The following NTM variants were observed in gnomAD, a reference collection of about 807,000 sequenced individuals.
NTM encodes IgLON family member 2.
In NTM, 13 loss-of-function variants were observed where a neutral mutation model predicts 42.1. The observed-to-expected ratio is 0.31, with a 90% CI of 0.20 to 0.49. NTM has a LOEUF of 0.49. NTM is among the 20% of genes least tolerant of loss of function. The pLI is 0.99. For missense variants in NTM, 373 were observed against 452.8 expected, an observed-to-expected ratio of 0.82 and a Z score of 1.60; for synonymous variants, 187 against 179.2, an observed-to-expected ratio of 1.04 and a Z score of -0.35.
At chr11:132,205,411 G>A (rs1319346010) in intron 3 of NTM, among the ~76,000 whole-genome samples, 2 of 152,190 alleles carry the variant, frequency 1.3e-5, no homozygotes. Flanking sequence ...TAAACCAAGA[G>A]TAGGGAAGTT....
intron 1 of NTM, among the ~76,000 whole-genome samples, chr11:131,382,109 G>A (rs924105185): frequency 1.3e-5 from 2 of 152,086 alleles, no homozygotes; most frequent in African/African-American, 2.4e-5. Context: ...TCAACTTCCA[G>A]ATTCTGTTAT....
chr11:132,105,859 A>G (rs924768099), intron 2 of NTM, among the ~76,000 whole-genome samples: 1 of 152,118 alleles, frequency 6.6e-6, no homozygotes, highest in Admixed American at 6.6e-5. Flanking sequence ...TTCCATATCG[A>G]GAAAGAGGGG....
chr11:132,297,703 G>A (rs1039351357), intron 4 of NTM, among the ~76,000 whole-genome samples: 13 of 151,990 alleles, frequency 8.6e-5, no homozygotes, highest in African/African-American at 2.7e-4. Context: ...ACATTTTTGC[G>A]GGCTTTTTCT....
intron 1 of NTM, among the ~76,000 whole-genome samples, chr11:131,602,754 C>CT (rs1483726838): frequency 6.6e-6 from 1 of 152,126 alleles, no homozygotes; most frequent in Non-Finnish European, 1.5e-5. Flanking sequence ...ATTGAGCTCC[C>CT]TTTTTATGTG....
chr11:131,421,022 A>G (rs1182355155), intron 1 of NTM, among the ~76,000 whole-genome samples: 2 of 151,926 alleles, frequency 1.3e-5, no homozygotes, highest in Non-Finnish European at 2.9e-5. Context: ...AAGCAGATGG[A>G]GTGTGTACCC....
chr11:131,974,900 A>T (rs749218586), intron 2 of NTM, among the ~76,000 whole-genome samples: 2 of 152,190 alleles, frequency 1.3e-5, no homozygotes, highest in African/African-American at 2.4e-5. Context: ...TAAACTTTTG[A>T]AAAGGCTAAA....
intron 1 of NTM, among the ~76,000 whole-genome samples, chr11:131,410,149 G>A (rs1301949969): frequency 6.6e-6 from 1 of 152,038 alleles, no homozygotes; most frequent in Non-Finnish European, 1.5e-5. Context: ...GGGTTTGGAT[G>A]CAGATCTATA....
intron 1 of NTM, among the ~76,000 whole-genome samples, chr11:131,868,505 A>G (rs180885357): frequency 6.6e-6 from 1 of 152,172 alleles, no homozygotes; most frequent in Non-Finnish European, 1.5e-5. Context: ...GTGGGCCGCC[A>G]CTGCCAGCAG....
intron 1 of NTM, among the ~76,000 whole-genome samples, chr11:131,718,434 C>T (rs998431804): frequency 6.6e-6 from 1 of 152,100 alleles, no homozygotes; most frequent in Non-Finnish European, 1.5e-5. Context: ...ACAATGTTTA[C>T]TGTCTGGCCC....
intron 1 of NTM, among the ~76,000 whole-genome samples, chr11:131,625,420 C>T (rs1309083167): frequency 1.3e-5 from 2 of 152,016 alleles, no homozygotes; most frequent in Non-Finnish European, 2.9e-5. Flanking sequence ...GCAATCCAGT[C>T]GCTTCTTGGG....
At position 131,500,571 on chromosome 11, in the gene NTM, ATATATATTTTTTTTT is replaced by A. The variant is rs1459225359; in HGVS notation, c.82+129685_82+129699del. On this transcript the variant is annotated intron_variant, in intron 1 of 8. Transcript: ENST00000683400. ...TATATATATATATATATATATATAT[ATATATATTTTTTTTT>A]TTTTTTTTTGTATTATACTTTAAGT... Among the ~76,000 whole-genome samples the A allele has an allele frequency of 1.2e-3, 105 of 85,330 alleles. 1 individual carries two copies. In the East Asian group the frequency reaches 0.013, roughly 11 times the overall value. 56.0% of individuals were successfully genotyped at this position (85,330 alleles called of 152,430 possible).
chr11:131,533,341 C>T (rs889230987), intron 1 of NTM, among the ~76,000 whole-genome samples: 1 of 152,230 alleles, frequency 6.6e-6, no homozygotes, highest in African/African-American at 2.4e-5. Context: ...GCGTGATTTA[C>T]ACCCTGACAT....
intron 4 of NTM, among the ~76,000 whole-genome samples, chr11:132,213,184 A>T (rs1323719589): frequency 6.6e-6 from 1 of 152,128 alleles, no homozygotes; most frequent in Non-Finnish European, 1.5e-5. Context: ...GCACAGATGG[A>T]TGAAGGTGTG....
intron 2 of NTM, among the ~76,000 whole-genome samples, chr11:132,065,267 G>A (rs934022294): frequency 6.6e-6 from 1 of 152,204 alleles, no homozygotes; most frequent in Non-Finnish European, 1.5e-5. Context: ...TAATTAGGCT[G>A]CCCCCAACTC....
chr11:132,229,979 C>G (rs1329025759), intron 4 of NTM, among the ~76,000 whole-genome samples: 1 of 152,244 alleles, frequency 6.6e-6, no homozygotes, highest in East Asian at 1.9e-4. Context: ...CAACTGCCGT[C>G]ATAGAATCTG....
At chr11:132,042,157 G>A (rs1002894622) in intron 2 of NTM, among the ~76,000 whole-genome samples, 5 of 152,276 alleles carry the variant, frequency 3.3e-5, no homozygotes, top group South Asian at 4.1e-4. Flanking sequence ...ATGTCTACAC[G>A]TTTTCCTCTA....
intron 1 of NTM, among the ~76,000 whole-genome samples, chr11:131,451,185 A>T (rs1260337587): frequency 6.6e-6 from 1 of 152,188 alleles, no homozygotes; most frequent in Non-Finnish European, 1.5e-5. Flanking sequence ...TATCATAAGC[A>T]CTTATGGACC....
chr11:132,169,320 C>CTTTGTTTTTT (rs2075776577), intron 3 of NTM, among the ~76,000 whole-genome samples: 1 of 32,358 alleles, frequency 3.1e-5, no homozygotes, highest in Non-Finnish European at 5.4e-5. Flanking sequence ...AATTTTTTTA[C>CTTTGTTTTTT]TTTTTTTTTT....
At chr11:131,485,185 A>T (rs528208961) in intron 1 of NTM, among the ~76,000 whole-genome samples, 117 of 152,356 alleles carry the variant, frequency 7.7e-4, no homozygotes, top group Non-Finnish European at 2.5e-4. Context: ...CCACCAGGGC[A>T]TCAGGCCCTC....
Sources: gnomAD v4.1 joint callset for allele counts (sites outside exome capture counted in the v4.1 genomes callset) on GRCh38, gnomAD v4.1.1 for gene constraint, MANE v1.5 for transcripts, NCBI Gene and HGNC (gene_info 2026-07-23, HGNC 2026-07-21) for gene names.